Variants in EFCAB13 observed in about 807,000 individuals in gnomAD.
The protein encoded by EFCAB13 is EF-hand calcium binding domain 13, also known as EF-hand calcium-binding domain-containing protein 13.
EFCAB13 carries 91 observed loss-of-function variants against 110.2 expected under a neutral mutation model. The observed-to-expected ratio is 0.83, with a 90% CI of 0.70 to 0.98. EFCAB13 has a LOEUF of 0.98. Ranked by LOEUF, EFCAB13 falls within the 50% of genes least tolerant of loss-of-function variation. The pLI is 0.00. For missense variants in EFCAB13, 968 were observed against 1,119.4 expected (o/e 0.86, Z 1.93); for synonymous variants, 323 against 369.9 (o/e 0.87, Z 1.45).
Position 47,426,032 on chromosome 17 carries a change from A to T in EFCAB13, c.2495-3786A>T, listed in dbSNP as rs181346379. ...TTTTTAGTAGATTAAGAGATGACCAAGGTAGGCCAGTCAATCCAAACCACT... is the reference window on the plus strand; with the variant it reads ...TTTTTAGTAGATTAAGAGATGACCATGGTAGGCCAGTCAATCCAAACCACT... On this transcript the variant is annotated intron_variant, in intron 23 of 24. Coordinates refer to ENST00000331493, the MANE Select transcript of EFCAB13 (RefSeq NM_152347.5). Among the ~76,000 whole-genome samples the T allele has an allele frequency of 5.9e-5, 9 of 152,314 alleles. No individual in the cohort carries two copies. The East Asian group carries it at 1.5e-3, about 26-fold the overall frequency.
At chr17:47,375,006 C>T in intron 12 of EFCAB13, 40 bp downstream of exon 12, 1 of 1,506,050 alleles carries the variant, frequency 6.6e-7, no homozygotes, top group Non-Finnish European at 8.8e-7. Flanking sequence ...TCAGTCATCA[C>T]AGAAATGAAC....
At chr17:47,404,449 T>C in intron 19 of EFCAB13, 113 bp from the exon 20 acceptor site, 1 of 755,652 alleles carries the variant, frequency 1.3e-6, no homozygotes, top group Non-Finnish European at 2.1e-6. Flanking sequence ...TAAAAGTACC[T>C]TGTAAATAAA....
chr17:47,430,186 G>A, intron 24 of EFCAB13: 2 of 1,132,412 alleles, frequency 1.8e-6, no homozygotes, highest in Non-Finnish European at 2.2e-6. Context: ...TCCACTGACA[G>A]TACCTAGGAG....
At chr17:47,436,361 T>C (rs2143528169) in intron 24 of EFCAB13, among the ~76,000 whole-genome samples, 1 of 152,300 alleles carries the variant, frequency 6.6e-6, no homozygotes, top group South Asian at 2.1e-4. Flanking sequence ...CCAATTCTTC[T>C]TTGAATGTCT....
intron 10 of EFCAB13, among the ~76,000 whole-genome samples, chr17:47,367,371 T>G (rs1173231511): frequency 6.6e-6 from 1 of 152,184 alleles, no homozygotes; most frequent in Non-Finnish European, 1.5e-5. Flanking sequence ...ATTTACATAT[T>G]TGCTTCTCGT....
At position 47,397,649 on chromosome 17, in the gene EFCAB13, A is replaced by C. The variant is rs184981196; in HGVS notation, c.1945+1672A>C. ...CGCCCATCGTCTGAGATGTGGGGAG[A>C]GCCTCTACCCCGCCGCCCCGCCTGG... On this transcript the variant is annotated intron_variant, in intron 17 of 24. Transcript: ENST00000331493. 1.9e-3 allele frequency among the ~76,000 whole-genome samples: 270 copies of C among 143,784 alleles called. 2 individuals carry two copies. The highest frequency in any genetic ancestry group is 6.9e-3 in the African/African-American group (260 of 37,486). The allele number at this position is 143,784 out of a possible 152,430, so 94.3% of individuals were successfully genotyped here.
chr17:47,436,109 C>G (rs1161460365), intron 24 of EFCAB13, among the ~76,000 whole-genome samples: 1 of 152,142 alleles, frequency 6.6e-6, no homozygotes, highest in East Asian at 1.9e-4. Context: ...ATCCCTGCAT[C>G]CCTGGTACGA....
chr17:47,420,680 C>A (rs766090743), intron 23 of EFCAB13, among the ~76,000 whole-genome samples: 384 of 57,010 alleles, frequency 6.7e-3, no homozygotes, highest in Non-Finnish European at 9.9e-3. Context: ...CCGGCCGCCC[C>A]GTCTGAGAAG....
intron 20 of EFCAB13, 191 bp from the exon 21 acceptor site, chr17:47,409,450 CCAAGTA>C (rs3830478): frequency 0.01 from 5,327 of 525,744 alleles, 136 homozygotes; most frequent in East Asian, 0.058. Context: ...ATGAAGGAGC[CCAAGTA>C]GTAAGCAAAG....
At chr17:47,398,910 CAT>C (rs1448793025) in intron 17 of EFCAB13, among the ~76,000 whole-genome samples, 1 of 151,804 alleles carries the variant, frequency 6.6e-6, no homozygotes, top group African/African-American at 2.4e-5. Context: ...AATAAAAACT[CAT>C]ATATTGTGTT....
chr17:47,395,711 A>T, intron 16 of EFCAB13, 123 bp from the exon 17 acceptor site: 2 of 651,188 alleles, frequency 3.1e-6, no homozygotes, highest in Non-Finnish European at 4.6e-6. Flanking sequence ...CAATTCATTT[A>T]TGCTATATTT....
intron 24 of EFCAB13, among the ~76,000 whole-genome samples, chr17:47,439,171 G>GT (rs71141908): frequency 0.39 from 28,330 of 73,204 alleles, 6,335 homozygotes; most frequent in Non-Finnish European, 0.42. Context: ...TCTTTGTTTT[G>GT]TTTTTTTTTT....
intron 4 of EFCAB13, among the ~76,000 whole-genome samples, chr17:47,334,179 T>G (rs1188713433): frequency 1.3e-5 from 2 of 152,092 alleles, no homozygotes; most frequent in Non-Finnish European, 2.9e-5. Flanking sequence ...TGATGGTATT[T>G]CCTTTTAATT....
intron 15 of EFCAB13, 70 bp from the exon 16 acceptor site, chr17:47,393,955 T>C (rs538306575): frequency 7.5e-6 from 6 of 797,086 alleles, no homozygotes; most frequent in Admixed American, 5.9e-5. Context: ...ATAACGTATT[T>C]TATATAATTC....
At chr17:47,361,319 C>CA in intron 9 of EFCAB13, 59 bp from the exon 10 acceptor site, 1 of 1,559,404 alleles carries the variant, frequency 6.4e-7, no homozygotes, top group Admixed American at 1.7e-5. Context: ...GACACAAAAT[C>CA]AACTGCTTTT....
At chr17:47,414,239 A>G (rs963832693) in intron 22 of EFCAB13, among the ~76,000 whole-genome samples, 76 of 151,498 alleles carry the variant, frequency 5.0e-4, no homozygotes, top group Non-Finnish European at 8.6e-4. Context: ...GTGACTGTGT[A>G]TGTGTGTGTG....
Position 47,440,423 on chromosome 17 carries a change from C to T in EFCAB13, c.2639-8C>T, listed in dbSNP as rs746844725. 7.6e-5 allele frequency: 119 copies of T among 1,564,884 alleles called. No individual in the cohort carries two copies. Among genetic ancestry groups the T allele is most frequent in the Non-Finnish European group, 8.5e-5 (99 of 1,160,566 alleles). The stretch of plus-strand genomic sequence containing the variant: ...TTTCTTTTAAGTAAATTATGCTTTG[C>T]CTTACAGAAAGTGGCAAGGTTAGCA... On this transcript the variant is annotated splice_polypyrimidine_tract_variant and splice_region_variant and intron_variant, in intron 24 of 24. Coordinates refer to ENST00000331493, the MANE Select transcript of EFCAB13 (RefSeq NM_152347.5).
At position 47,429,889 on chromosome 17, in the gene EFCAB13, T is replaced by C. The variant is rs750649523; in HGVS notation, c.2566T>C (p.Leu856=). Residue 856 remains leucine (L), a synonymous_variant, in exon 24 of 25, where the codon TTA becomes CTA. Coordinates refer to ENST00000331493, the MANE Select transcript of EFCAB13 (RefSeq NM_152347.5). The part of the protein sequence containing the change: ...DLVDVSDLKT[L]LMDKDLHTAN... The stretch of plus-strand genomic sequence containing the variant: ...AGTTGATGTCTCTGACCTCAAGACA[T>C]TATTGATGGACAAGGACCTTCATAC... The C allele has an allele frequency of 6.2e-7, 1 of 1,613,088 alleles. No individual in the cohort carries two copies. Among genetic ancestry groups the C allele is most frequent in the African/African-American group, 1.3e-5 (1 of 74,890 alleles).
intron 2 of EFCAB13, among the ~76,000 whole-genome samples, chr17:47,325,060 G>T (rs2065273988): frequency 1.0e-5 from 1 of 95,718 alleles, no homozygotes; most frequent in African/African-American, 3.8e-5. Flanking sequence ...GGTCTCTGTC[G>T]TCCAGGCTGG....
Sources: gnomAD v4.1 joint callset for allele counts (sites outside exome capture counted in the v4.1 genomes callset) on GRCh38, gnomAD v4.1.1 for gene constraint, MANE v1.5 for transcripts, NCBI Gene and HGNC (gene_info 2026-07-23, HGNC 2026-07-21) for gene names.